Variants in MAP4K4 observed in about 807,000 individuals in gnomAD.
The protein encoded by MAP4K4 is HPK/GCK-like kinase HGK.
MAP4K4 carries 38 observed loss-of-function variants against 189.6 expected under a neutral mutation model. The ratio of observed to expected loss-of-function variants is 0.20; its 90% CI spans 0.15 to 0.26. MAP4K4 has a LOEUF of 0.26. Among genes scored for constraint, MAP4K4 ranks in the 10% least tolerant of loss-of-function variants. MAP4K4 has a pLI of 1.00. For synonymous variants in MAP4K4, 610 were observed against 624.3 expected (o/e 0.98, Z 0.34); for missense variants, 1,054 against 1,726.9 (o/e 0.61, Z 6.91).
chr2:101,840,256 C>T (rs1236791549), intron 10 of MAP4K4, among the ~76,000 whole-genome samples: 2 of 152,114 alleles, frequency 1.3e-5, no homozygotes, highest in Non-Finnish European at 2.9e-5. Flanking sequence ...CCGAGGGTCA[C>T]GTTGTTGCTG....
intron 2 of MAP4K4, among the ~76,000 whole-genome samples, chr2:101,751,481 A>T (rs181306182): frequency 6.6e-6 from 1 of 152,360 alleles, no homozygotes; most frequent in East Asian, 1.9e-4. Flanking sequence ...TGGGACTCAG[A>T]CAAAAGGCCA....
chr2:101,856,823 T>C (rs1428653100), intron 13 of MAP4K4, among the ~76,000 whole-genome samples: 1 of 152,222 alleles, frequency 6.6e-6, no homozygotes, highest in Non-Finnish European at 1.5e-5. Flanking sequence ...AAAAATGATA[T>C]GTGAGGACCA....
intron 5 of MAP4K4, 108 bp from the exon 6 acceptor site, chr2:101,829,396 T>C: frequency 1.5e-6 from 1 of 681,816 alleles, no homozygotes; most frequent in Non-Finnish European, 2.6e-6. Flanking sequence ...GTTCATGAGC[T>C]CACAAACACC....
At chr2:101,780,890 G>A (rs758626237) in intron 2 of MAP4K4, among the ~76,000 whole-genome samples, 2 of 152,034 alleles carry the variant, frequency 1.3e-5, no homozygotes, top group Non-Finnish European at 2.9e-5. Flanking sequence ...TTTTTTTAGT[G>A]GCTAAAATAA....
rs551336925 is a variant in MAP4K4 at position 101,698,954 on chromosome 2, A to C, written c.123+416A>C. Among the ~76,000 whole-genome samples, 55 of 152,220 alleles carry C rather than the reference A, an allele frequency of 3.6e-4. 1 individual carries two copies. The South Asian group carries it at 6.6e-3, about 18-fold the overall frequency. ...TTTGGCCATCGTGAAAATTGTCATC[A>C]TGTTTCAGCCTCCACTCAGTGCTTG... is the stretch of plus-strand genomic sequence containing the variant. On this transcript the variant is annotated intron_variant, in intron 2 of 32. Coordinates refer to ENST00000324219, the Ensembl canonical transcript of MAP4K4.
At chr2:101,819,841 T>C (rs2095933550) in intron 3 of MAP4K4, among the ~76,000 whole-genome samples, 2 of 152,200 alleles carry the variant, frequency 1.3e-5, no homozygotes, top group South Asian at 4.1e-4. Flanking sequence ...GTGTGTACTT[T>C]ATGGTCGACA....
chr2:101,802,385 A>G (rs952036981), intron 3 of MAP4K4, among the ~76,000 whole-genome samples: 19 of 152,332 alleles, frequency 1.2e-4, no homozygotes, highest in African/African-American at 4.1e-4. Context: ...TTCTTAGCTC[A>G]GAGTAAAAGT....
rs376689718 is a variant in MAP4K4, at chr2:101,835,890, C to G, written c.695-10C>G. ...AGTGCCATACTGACACGACCGTCTC[C>G]TCTCCCCAGCTCTCTGTGACATGCA... is the stretch of plus-strand genomic sequence containing the variant. On this transcript the variant is annotated splice_polypyrimidine_tract_variant and intron_variant, in intron 8 of 32. Transcript: ENST00000324219. 83 of 1,601,212 alleles carry G rather than the reference C, an allele frequency of 5.2e-5. 1 individual carries two copies. Among genetic ancestry groups the G allele is most frequent in the Non-Finnish European group, 6.8e-5 (79 of 1,168,606 alleles).
At chr2:101,729,077 G>GAAGAGAGA (rs70946662) in intron 2 of MAP4K4, among the ~76,000 whole-genome samples, 14 of 128,674 alleles carry the variant, frequency 1.1e-4, no homozygotes, top group African/African-American at 3.6e-4. Context: ...ATTAGAGAGA[G>GAAGAGAGA]GAGAGAGAGA....
intron 2 of MAP4K4, among the ~76,000 whole-genome samples, chr2:101,731,706 G>A (rs1427453992): frequency 6.6e-6 from 1 of 151,566 alleles, no homozygotes; most frequent in African/African-American, 2.4e-5. Flanking sequence ...AGTCGTGTTG[G>A]TGCCACTGCA....
chr2:101,798,940 A>C (rs547201857), intron 3 of MAP4K4, among the ~76,000 whole-genome samples: 1 of 152,312 alleles, frequency 6.6e-6, no homozygotes, highest in African/African-American at 2.4e-5. Flanking sequence ...TTCACACTTA[A>C]ATTTCATCCC....
In MAP4K4 at chr2:101,867,328, C is replaced by T; in HGVS notation, c.2454+19C>T. 2 of 1,565,490 alleles carry T rather than the reference C, an allele frequency of 1.3e-6. No homozygotes were observed. Among genetic ancestry groups the T allele is most frequent in the Non-Finnish European group, 1.7e-6 (2 of 1,144,898 alleles). On this transcript the variant is annotated intron_variant, in intron 20 of 32. Transcript: ENST00000324219. ...GCCTGCTGTAAGGATTGTGCAGGAT[C>T]AGTTTTACTTATTTCAGACTTGAAT...
At chr2:101,700,894 A>G (rs2038205784) in intron 2 of MAP4K4, among the ~76,000 whole-genome samples, 1 of 151,792 alleles carries the variant, frequency 6.6e-6, no homozygotes, top group South Asian at 2.1e-4. Flanking sequence ...CCTCTTTTTA[A>G]CTATTTAATT....
chr2:101,737,602 A>T (rs1336554863), intron 2 of MAP4K4, among the ~76,000 whole-genome samples: 2 of 149,880 alleles, frequency 1.3e-5, no homozygotes, highest in Non-Finnish European at 3.0e-5. Flanking sequence ...AGGGCTGCTT[A>T]GTGTTTTATT....
intron 2 of MAP4K4, among the ~76,000 whole-genome samples, chr2:101,705,321 T>C (rs2041726255): frequency 6.6e-6 from 1 of 152,166 alleles, no homozygotes; most frequent in African/African-American, 2.4e-5. Context: ...AACAGGGGGA[T>C]GGACACAAAA....
At chr2:101,722,968 T>A (rs1332086481) in intron 2 of MAP4K4, among the ~76,000 whole-genome samples, 3 of 152,172 alleles carry the variant, frequency 2.0e-5, no homozygotes, top group African/African-American at 7.2e-5. Context: ...TTGAATTGAC[T>A]CACAGTTCCA....
chr2:101,815,941 T>C (rs968287172), intron 3 of MAP4K4, among the ~76,000 whole-genome samples: 3 of 152,138 alleles, frequency 2.0e-5, no homozygotes, highest in Admixed American at 2.0e-4. Flanking sequence ...TACTGAGTCT[T>C]CTAGGGGGAA....
At chr2:101,801,622 G>A (rs939282471) in intron 3 of MAP4K4, among the ~76,000 whole-genome samples, 9 of 152,172 alleles carry the variant, frequency 5.9e-5, no homozygotes, top group African/African-American at 2.2e-4. Context: ...ACTCTTACCA[G>A]TTCTGGGAGC....
At chr2:101,887,343 C>CACACCAAGGGGAAA in intron 30 of MAP4K4, 106 bp downstream of exon 30, 1 of 1,180,308 alleles carries the variant, frequency 8.5e-7, no homozygotes, top group Non-Finnish European at 1.2e-6. Flanking sequence ...TTCATTTCCC[C>CACACCAAGGGGAAA]TTGGTGTGGG....
Sources: gnomAD v4.1 joint callset for allele counts (sites outside exome capture counted in the v4.1 genomes callset) on GRCh38, gnomAD v4.1.1 for gene constraint, MANE v1.5 for transcripts, NCBI Gene and HGNC (gene_info 2026-07-23, HGNC 2026-07-21) for gene names.